VWC2: variants seen among roughly 807,000 people sequenced by gnomAD.
The protein encoded by VWC2 is brorin.
A neutral mutation model predicts 29.8 loss-of-function variants in VWC2; 14 were observed. The observed-to-expected ratio is 0.47, with a 90% CI of 0.31 to 0.74. VWC2 has a LOEUF of 0.74. Among genes scored for constraint, VWC2 ranks in the 30% least tolerant of loss-of-function variants. The pLI, the probability that VWC2 is intolerant of heterozygous loss-of-function variation, is 0.05. For synonymous variants in VWC2, 213 were observed against 199.0 expected, an observed-to-expected ratio of 1.07 and a Z score of -0.59; for missense variants, 457 against 459.8, an observed-to-expected ratio of 0.99 and a Z score of 0.05.
chr7:49,826,249 G>A (rs977531462), intron 3 of VWC2, among the ~76,000 whole-genome samples: 1 of 152,120 alleles, frequency 6.6e-6, no homozygotes, highest in African/African-American at 2.4e-5. Context: ...ACCATTACCA[G>A]AAGTCTTCCA....
intron 3 of VWC2, among the ~76,000 whole-genome samples, chr7:49,833,629 T>C (rs1442725761): frequency 1.3e-5 from 2 of 152,206 alleles, no homozygotes; most frequent in African/African-American, 4.8e-5. Flanking sequence ...TCATGGCTCT[T>C]TATGGAATAC....
intron 3 of VWC2, among the ~76,000 whole-genome samples, chr7:49,881,434 T>C (rs570093548): frequency 1.4e-4 from 22 of 152,248 alleles, no homozygotes; most frequent in African/African-American, 5.1e-4. Flanking sequence ...GTTTAAAAAA[T>C]AGAGAGAGAG....
At chr7:49,857,006 T>C (rs1790448793) in intron 3 of VWC2, among the ~76,000 whole-genome samples, 1 of 58,540 alleles carries the variant, frequency 1.7e-5, no homozygotes, top group Non-Finnish European at 2.8e-5. Flanking sequence ...CCAGATACTG[T>C]CTCAAAAAAA....
At chr7:49,829,455 C>G (rs1200709168) in intron 3 of VWC2, among the ~76,000 whole-genome samples, 1 of 152,172 alleles carries the variant, frequency 6.6e-6, no homozygotes, top group South Asian at 2.1e-4. Flanking sequence ...ATCCATAGCA[C>G]CCCCGGTTAA....
chr7:49,786,744 C>A (rs1387293614), intron 2 of VWC2, among the ~76,000 whole-genome samples: 1 of 152,170 alleles, frequency 6.6e-6, no homozygotes, highest in Non-Finnish European at 1.5e-5. Flanking sequence ...TGATGTTGAG[C>A]ATGTTATCAT....
intron 3 of VWC2, among the ~76,000 whole-genome samples, chr7:49,833,771 G>A (rs535120124): frequency 4.6e-5 from 7 of 152,252 alleles, no homozygotes; most frequent in African/African-American, 1.4e-4. Context: ...GGTCTCAGAT[G>A]GCTTGAACCA....
chr7:49,894,556 T>C (rs1792287129), intron 3 of VWC2, among the ~76,000 whole-genome samples: 1 of 152,264 alleles, frequency 6.6e-6, no homozygotes, highest in Non-Finnish European at 1.5e-5. Context: ...ATTCATTATT[T>C]AATTTGAAGA....
intron 3 of VWC2, among the ~76,000 whole-genome samples, chr7:49,907,777 G>A (rs1338727550): frequency 2.0e-5 from 3 of 152,208 alleles, no homozygotes; most frequent in African/African-American, 7.2e-5. Flanking sequence ...ATTCAAAGAT[G>A]TTCTGATTGA....
intron 3 of VWC2, among the ~76,000 whole-genome samples, chr7:49,853,732 T>A (rs1440138597): frequency 6.6e-6 from 1 of 152,202 alleles, no homozygotes; most frequent in Non-Finnish European, 1.5e-5. Flanking sequence ...TTTTTTATTA[T>A]ACTTTAAGTT....
chr7:49,875,394 A>C (rs1352731252), intron 3 of VWC2, among the ~76,000 whole-genome samples: 1 of 150,320 alleles, frequency 6.7e-6, no homozygotes, highest in Non-Finnish European at 1.5e-5. Flanking sequence ...AAAAAAAAAA[A>C]AAACAGGAAT....
intron 3 of VWC2, among the ~76,000 whole-genome samples, chr7:49,900,945 T>G (rs1792691324): frequency 6.6e-6 from 1 of 151,848 alleles, no homozygotes; most frequent in African/African-American, 2.4e-5. Flanking sequence ...AGGTATGCCT[T>G]AATTCATCAC....
At chr7:49,911,035 A>G (rs1793387527) in intron 3 of VWC2, among the ~76,000 whole-genome samples, 1 of 152,182 alleles carries the variant, frequency 6.6e-6, no homozygotes, top group Non-Finnish European at 1.5e-5. Context: ...TTGTTTTAAG[A>G]TATCTCTGCT....
At position 49,784,093 on chromosome 7, in the gene VWC2, A is replaced by G. The variant is rs540384787; in HGVS notation, c.696+7962A>G. On this transcript the variant is annotated intron_variant, in intron 2 of 3. Transcript: ENST00000340652. ...CCTGAAATCCTGAATATCATATAAA[A>G]CACATATTTTTAAAAGAAAAATGTT... is the stretch of plus-strand genomic sequence containing the variant. Among the ~76,000 whole-genome samples, 22 of 152,274 alleles carry G rather than the reference A, an allele frequency of 1.4e-4. 1 individual carries two copies. The South Asian group carries it at 4.6e-3, about 32-fold the overall frequency.
At chr7:49,811,818 C>T in intron 3 of VWC2, among the ~76,000 whole-genome samples, 1 of 152,130 alleles carries the variant, frequency 6.6e-6, no homozygotes, top group East Asian at 1.9e-4. Flanking sequence ...GATTATATCC[C>T]AGCAAAATGA....
intron 3 of VWC2, among the ~76,000 whole-genome samples, chr7:49,835,120 T>A (rs1789627664): frequency 6.6e-6 from 1 of 152,186 alleles, no homozygotes; most frequent in South Asian, 2.1e-4. Flanking sequence ...TCTCACTGGT[T>A]TATAGCGGTA....
chr7:49,831,121 A>T lies in VWC2; in HGVS notation c.826+28281A>T, dbSNP rs1215229566. Among the ~76,000 whole-genome samples, 3 of 152,190 alleles carry T rather than the reference A, an allele frequency of 2.0e-5. No homozygotes were observed. In the East Asian group the frequency reaches 5.8e-4, roughly 29 times the overall value. Reference sequence around the variant, plus strand: ...AATCACTCTTCTTTGGCTTTGGCTGAAGAAGTGACAAAACACCTCCAGAAG... The same window carrying T: ...AATCACTCTTCTTTGGCTTTGGCTGTAGAAGTGACAAAACACCTCCAGAAG... On this transcript the variant is annotated intron_variant, in intron 3 of 3. Coordinates refer to ENST00000340652, the MANE Select transcript of VWC2 (RefSeq NM_198570.5).
chr7:49,846,217 CAA>C (rs533540837), intron 3 of VWC2, among the ~76,000 whole-genome samples: 176 of 152,320 alleles, frequency 1.2e-3, no homozygotes, highest in African/African-American at 4.2e-3. Flanking sequence ...CCATTTGGTG[CAA>C]AGAGTCGCCC....
chr7:49,911,940 C>CACACACACACACACACACACACACACAA, intron 3 of VWC2, 94 bp from the exon 4 acceptor site: 1 of 989,446 alleles, frequency 1.0e-6, no homozygotes, highest in Non-Finnish European at 1.4e-6. Flanking sequence ...CACACACACA[C>CACACACACACACACACACACACACACAA]ACACACATAT....
chr7:49,877,755 C>A (rs1791502312), intron 3 of VWC2, among the ~76,000 whole-genome samples: 1 of 150,668 alleles, frequency 6.6e-6, no homozygotes, highest in Admixed American at 6.6e-5. Flanking sequence ...CAGGTGTCAG[C>A]TGCTTTTATC....
Sources: allele counts gnomAD v4.1 joint callset (sites outside exome capture counted in the v4.1 genomes callset), GRCh38; gene constraint gnomAD v4.1.1; transcripts MANE v1.5; gene names NCBI Gene and HGNC (gene_info 2026-07-23, HGNC 2026-07-21).